The following SLC5A5 variants were observed in gnomAD, a reference collection of about 807,000 sequenced individuals.
SLC5A5 encodes solute carrier family 5 member 5.
Under a neutral mutation model 68.6 loss-of-function variants are expected in SLC5A5, and 56 were observed. The ratio of observed to expected loss-of-function variants is 0.82; its 90% CI spans 0.66 to 1.02. SLC5A5 has a LOEUF of 1.02. Among genes scored for constraint, SLC5A5 ranks in the 50% least tolerant of loss-of-function variants. The pLI is 0.00. For synonymous variants in SLC5A5, 398 were observed against 373.0 expected (o/e 1.07, Z -0.77); for missense variants, 807 against 859.8 (o/e 0.94, Z 0.77).
chr19:17,873,087 T>C (rs2094298334), intron 1 of SLC5A5, among the ~76,000 whole-genome samples: 1 of 152,314 alleles, frequency 6.6e-6, no homozygotes, highest in Middle Eastern at 3.4e-3. Context: ...GCAAGGGGCG[T>C]GCCTCTCTGT....
intron 10 of SLC5A5, 120 bp downstream of exon 10, chr19:17,882,339 T>C (rs916866998): frequency 1.6e-5 from 5 of 318,920 alleles, no homozygotes; most frequent in African/African-American, 7.0e-5. Flanking sequence ...CACTTCTATG[T>C]TTTTTTTTTT....
At chr19:17,872,788 T>G in intron 1 of SLC5A5, 112 bp downstream of exon 1, 1 of 739,956 alleles carries the variant, frequency 1.4e-6, no homozygotes, top group East Asian at 2.6e-5. Context: ...GGATGGCACC[T>G]CGGTGCTTTA....
At chr19:17,881,888 G>A (rs1028330528) in intron 8 of SLC5A5, 72 bp from the exon 9 acceptor site, 6 of 1,209,016 alleles carry the variant, frequency 5.0e-6, no homozygotes, top group African/African-American at 1.5e-5. Flanking sequence ...GCTGGGTGAG[G>A]TCTGGCAGGC....
intron 1 of SLC5A5, among the ~76,000 whole-genome samples, chr19:17,873,460 GA>G (rs113950818): frequency 1.5e-5 from 2 of 136,774 alleles, no homozygotes; most frequent in African/African-American, 2.7e-5. Flanking sequence ...TGTCTCAAAG[GA>G]AAAAAAAATA....
At chr19:17,891,062 C>A in intron 14 of SLC5A5, 61 bp downstream of exon 14, 1 of 1,017,752 alleles carries the variant, frequency 9.8e-7, no homozygotes, top group Non-Finnish European at 1.6e-6. Context: ...GACGTGACCA[C>A]AGCTCAGGGG....
intron 10 of SLC5A5, 128 bp downstream of exon 10, chr19:17,882,347 T>C (rs2094322612): frequency 1.3e-6 from 1 of 779,214 alleles, no homozygotes; most frequent in Admixed American, 2.2e-5. Context: ...TGTTTTTTTT[T>C]TTTTTGAGAT....
intron 13 of SLC5A5, among the ~76,000 whole-genome samples, chr19:17,890,656 A>C (rs1211976695): frequency 2.0e-5 from 3 of 152,142 alleles, no homozygotes; most frequent in African/African-American, 7.2e-5. Context: ...TTAGACTCCC[A>C]AAGTGCAATT....
At chr19:17,889,409 AGAAAGAAGGAAG>A (rs2030063922) in intron 13 of SLC5A5, among the ~76,000 whole-genome samples, 4 of 112,630 alleles carry the variant, frequency 3.6e-5, no homozygotes, top group Admixed American at 1.7e-4. Context: ...AAAGAAAGAA[AGAAAGAAGGAAG>A]GAAGGAAGGA....
chr19:17,889,413 A>AAGGAAGGAAG (rs2030065089), intron 13 of SLC5A5, among the ~76,000 whole-genome samples: 15 of 137,724 alleles, frequency 1.1e-4, no homozygotes, highest in African/African-American at 3.7e-4. Context: ...AAAGAAAGAA[A>AAGGAAGGAAG]GAAGGAAGGA....
chr19:17,885,555 A>AT (rs887998294), intron 12 of SLC5A5, among the ~76,000 whole-genome samples: 36 of 150,856 alleles, frequency 2.4e-4, no homozygotes, highest in African/African-American at 8.8e-4. Flanking sequence ...AATTTTTTGT[A>AT]TTTTTTATAG....
intron 6 of SLC5A5, 45 bp downstream of exon 6, chr19:17,877,908 C>T (rs778179607): frequency 3.4e-5 from 54 of 1,599,950 alleles, no homozygotes; most frequent in South Asian, 1.1e-5. Context: ...GGACATGCTG[C>T]CCCCCTCCAC....
rs1599922993 is a variant in SLC5A5, at chr19:17,882,232, C to A, written c.1242+13C>A. ...AGGTGTCCTTCAGGTGAGACCCCAC[C>A]TGCCCCCTGCCCTGGTCTCCTGAGA... On this transcript the variant is annotated intron_variant, in intron 10 of 14. Coordinates refer to ENST00000222248, the MANE Select transcript of SLC5A5 (RefSeq NM_000453.3). 1 of 1,609,104 alleles carries A rather than the reference C, an allele frequency of 6.2e-7. No homozygotes were observed. The highest frequency in any genetic ancestry group is 2.2e-5 in the East Asian group (1 of 44,856).
intron 12 of SLC5A5, among the ~76,000 whole-genome samples, chr19:17,886,521 T>A (rs948149948): frequency 6.6e-6 from 1 of 151,992 alleles, no homozygotes; most frequent in South Asian, 2.1e-4. Flanking sequence ...TTGGTCAGGG[T>A]GGTCTCAAAC....
intron 4 of SLC5A5, among the ~76,000 whole-genome samples, 177 bp from the exon 5 acceptor site, chr19:17,875,775 C>G (rs890290594): frequency 6.6e-6 from 1 of 152,120 alleles, no homozygotes; most frequent in African/African-American, 2.4e-5. Flanking sequence ...GAAACCTTTT[C>G]TTTAAAAATA....
chr19:17,882,369 G>C, intron 10 of SLC5A5, 150 bp downstream of exon 10: 1 of 701,938 alleles, frequency 1.4e-6, no homozygotes, highest in Non-Finnish European at 2.5e-6. Flanking sequence ...GGGTCTCACT[G>C]TGTTGTCCCA....
chr19:17,891,102 A>G (rs1161196475), intron 14 of SLC5A5, 101 bp downstream of exon 14: 6 of 772,176 alleles, frequency 7.8e-6, no homozygotes, highest in Non-Finnish European at 1.4e-5. Context: ...ACCTTTCTCC[A>G]TCGCTCATTA....
At chr19:17,872,988 G>A (rs577382948) in intron 1 of SLC5A5, among the ~76,000 whole-genome samples, 14 of 152,290 alleles carry the variant, frequency 9.2e-5, no homozygotes, top group African/African-American at 3.1e-4. Context: ...CCACCTGCCC[G>A]GGCGTGCAGA....
intron 12 of SLC5A5, among the ~76,000 whole-genome samples, chr19:17,884,943 C>A (rs1024485620): frequency 6.6e-6 from 1 of 151,202 alleles, no homozygotes; most frequent in Non-Finnish European, 1.5e-5. Flanking sequence ...ATCCGCCCAC[C>A]TCAGCCTCCC....
intron 2 of SLC5A5, 102 bp downstream of exon 2, chr19:17,874,305 A>G: frequency 6.6e-6 from 1 of 150,722 alleles, no homozygotes. Context: ...CCCGCCCCCC[A>G]TGCTCCCGTT....
Sources: gnomAD v4.1 joint callset for allele counts (sites outside exome capture counted in the v4.1 genomes callset) on GRCh38, gnomAD v4.1.1 for gene constraint, MANE v1.5 for transcripts, NCBI Gene and HGNC (gene_info 2026-07-23, HGNC 2026-07-21) for gene names.